Variants in LZIC observed in about 807,000 individuals in gnomAD.
The protein encoded by LZIC is protein LZIC.
LZIC carries 28 observed loss-of-function variants against 25.4 expected under a neutral mutation model. The ratio of observed to expected loss-of-function variants is 1.10; its 90% CI spans 0.82 to 1.51. The LOEUF (loss-of-function observed/expected upper bound fraction) is 1.51, where lower values mean the gene tolerates loss of function less well. LZIC is among the 40% of genes most tolerant of loss of function. The pLI is 0.00. For synonymous variants in LZIC, 65 were observed against 70.7 expected (o/e 0.92, Z 0.40); for missense variants, 170 against 211.1 (o/e 0.81, Z 1.21).
At chr1:9,923,518 CTTTTTTTTTTTTTT>C (rs60858066), downstream of LZIC, among the ~76,000 whole-genome samples, 4 of 74,164 alleles carry the variant, frequency 5.4e-5, no homozygotes, top group Non-Finnish European at 7.7e-5. Context: ...CCCAATGCTT[CTTTTTTTTTTTTTT>C]TTTTTTTTTT....
At position 9,929,902 on chromosome 1, in the gene LZIC, T is replaced by C; in HGVS notation, c.*497A>G. On this transcript the variant is annotated 3_prime_UTR_variant, in exon 8 of 8. Coordinates refer to ENST00000377223, the MANE Select transcript of LZIC (RefSeq NM_032368.5). ...CGACTTTAAGCAAAGTCGCTTGCTC[T>C]TTCTGGACCTCAGTTTCCTTGTTTG... 1.0e-6 allele frequency: 1 copy of C among 956,256 alleles called. No homozygotes were observed. Among genetic ancestry groups the C allele is most frequent in the Non-Finnish European group, 1.2e-6 (1 of 803,334 alleles). 59.2% of individuals were successfully genotyped at this position (956,256 alleles called of 1,614,324 possible).
In LZIC at chr1:9,942,695, G is replaced by T; in HGVS notation, c.-80C>A. On this transcript the variant is annotated 5_prime_UTR_variant, in exon 2 of 8. Transcript: ENST00000377223. ...ATTGCACAAACCTCCAGTTCTTGAC[G>T]TTCCGAGTGTCATAAACTTGAGGAA... The T allele has an allele frequency of 7.8e-7, 1 of 1,289,230 alleles. No individual in the cohort carries two copies. The highest frequency in any genetic ancestry group is 1.2e-5 in the South Asian group (1 of 81,030). The allele number at this position is 1,289,230 out of a possible 1,614,324, so 79.9% of individuals were successfully genotyped here.
chr1:9,938,441 G>A (rs997020551), intron 2 of LZIC, among the ~76,000 whole-genome samples: 1 of 152,168 alleles, frequency 6.6e-6, no homozygotes, highest in Non-Finnish European at 1.5e-5. Flanking sequence ...GATTATAGGT[G>A]TAAGCCCACA....
At chr1:9,930,511 T>G in intron 7 of LZIC, 54 bp from the exon 8 acceptor site, 2 of 1,603,898 alleles carry the variant, frequency 1.2e-6, no homozygotes, top group Non-Finnish European at 1.7e-6. Flanking sequence ...GCAGTTGCAA[T>G]TCCTGGTAAA....
chr1:9,933,254 C>CAAAAAA (rs60791463), intron 5 of LZIC, among the ~76,000 whole-genome samples: 5 of 43,386 alleles, frequency 1.2e-4, no homozygotes, highest in African/African-American at 2.7e-4. Context: ...GACTCCACCA[C>CAAAAAA]AAAAAAAAAA....
chr1:9,922,330 C>A, downstream of LZIC: 1 of 985,270 alleles, frequency 1.0e-6, no homozygotes, highest in Non-Finnish European at 1.2e-6. Flanking sequence ...GTGAGTCTAG[C>A]AGGTAGTTCA....
chr1:9,931,082 C>T (rs1318578378), intron 7 of LZIC, among the ~76,000 whole-genome samples: 2 of 150,142 alleles, frequency 1.3e-5, no homozygotes, highest in Non-Finnish European at 3.0e-5. Context: ...ATATTTTTTG[C>T]GGGGAGACAG....
intron 7 of LZIC, among the ~76,000 whole-genome samples, chr1:9,931,551 C>T (rs764252464): frequency 2.0e-5 from 3 of 152,108 alleles, no homozygotes; most frequent in African/African-American, 4.8e-5. Flanking sequence ...TGTGAGCCAC[C>T]GCACCCGGCC....
At chr1:9,940,128 C>G (rs564271862) in intron 2 of LZIC, among the ~76,000 whole-genome samples, 149 of 145,560 alleles carry the variant, frequency 1.0e-3, no homozygotes, top group African/African-American at 3.8e-3. Context: ...CAAAAAAAAA[C>G]AAAAAACAAA....
Position 9,930,039 on chromosome 1 carries a change from A to C in LZIC, c.*360T>G. The C allele has an allele frequency of 8.8e-6, 9 of 1,022,784 alleles. No homozygotes were observed. The highest frequency in any genetic ancestry group is 1.1e-5 in the Non-Finnish European group (9 of 851,706). The allele number at this position is 1,022,784 out of a possible 1,614,324, so 63.4% of individuals were successfully genotyped here. On this transcript the variant is annotated 3_prime_UTR_variant, in exon 8 of 8. Transcript: ENST00000377223. ...ACTCCAATGAGTGGGGATAAGTTGT[A>C]AGCAGAAAAATATCATTACTTCACA... is the stretch of plus-strand genomic sequence containing the variant.
At chr1:9,939,367 T>TTTTTC (rs1640595490) in intron 2 of LZIC, among the ~76,000 whole-genome samples, 2 of 67,532 alleles carry the variant, frequency 3.0e-5, no homozygotes, top group Admixed American at 2.5e-4. Flanking sequence ...TGGCTTTTTT[T>TTTTTC]TTTTTCTTTT....
rs922038701 is a variant in LZIC at position 9,932,108 on chromosome 1, G to T, written c.433-136C>A. 23 of 492,430 alleles carry T rather than the reference G, an allele frequency of 4.7e-5. 3 individuals are homozygous for T. Among genetic ancestry groups the T allele is most frequent in the Middle Eastern group, 6.0e-4 (1 of 1,674 alleles). The allele number at this position is 492,430 out of a possible 1,614,324, so 30.5% of individuals were successfully genotyped here. The stretch of plus-strand genomic sequence containing the variant: ...CCTGCACTTTGGGAGGCGTGGGGGG[G>T]GGGGGGGGGTGGATCACATGAGGTC... On this transcript the variant is annotated intron_variant, in intron 6 of 7. Coordinates refer to ENST00000377223, the MANE Select transcript of LZIC (RefSeq NM_032368.5).
chr1:9,936,513 T>G lies in LZIC; in HGVS notation c.101+6A>C, dbSNP rs770018422. 1.9e-6 allele frequency: 3 copies of G among 1,597,048 alleles called. No homozygotes were observed. The highest frequency in any genetic ancestry group is 1.7e-6 in the Non-Finnish European group (2 of 1,164,974). ...CCAGCATAACAACATACAATTAAAC[T>G]CTTACCTGCATTCCTCCAGATCTTG... On this transcript the variant is annotated splice_donor_region_variant and intron_variant, in intron 3 of 7. Transcript: ENST00000377223.
At chr1:9,936,698 T>G (rs1640473134) in intron 2 of LZIC, 71 bp from the exon 3 acceptor site, 1 of 1,027,380 alleles carries the variant, frequency 9.7e-7, no homozygotes, top group Admixed American at 1.9e-5. Flanking sequence ...AGTTTTATTT[T>G]TTGTAGAGAC....
At chr1:9,923,451 C>T (rs1004018318), downstream of LZIC, among the ~76,000 whole-genome samples, 4 of 151,046 alleles carry the variant, frequency 2.6e-5, no homozygotes, top group African/African-American at 9.7e-5. Flanking sequence ...CTTAGGTGAT[C>T]AGCCTGCGTC....
intron 2 of LZIC, among the ~76,000 whole-genome samples, chr1:9,937,619 G>A (rs957137220): frequency 1.3e-5 from 2 of 151,868 alleles, no homozygotes; most frequent in Non-Finnish European, 2.9e-5. Flanking sequence ...GCCTGAGGTG[G>A]GAGGATTGCT....
chr1:9,932,323 C>T (rs1486831813), intron 6 of LZIC: 1 of 159,940 alleles, frequency 6.3e-6, no homozygotes, highest in African/African-American at 2.7e-5. Context: ...CCAGCCTGGA[C>T]AGCAAGGGCA....
At chr1:9,931,332 G>A (rs762964726) in intron 7 of LZIC, among the ~76,000 whole-genome samples, 1 of 151,700 alleles carries the variant, frequency 6.6e-6, no homozygotes, top group African/African-American at 2.4e-5. Context: ...GCACAATCTC[G>A]GCTCACTGCA....
At chr1:9,930,496 C>T in intron 7 of LZIC, 39 bp from the exon 8 acceptor site, 1 of 1,608,124 alleles carries the variant, frequency 6.2e-7, no homozygotes, top group Non-Finnish European at 8.5e-7. Flanking sequence ...AAGATTATTT[C>T]AAGTGCAGTT....
Sources: gnomAD v4.1 joint callset for allele counts (sites outside exome capture counted in the v4.1 genomes callset) on GRCh38, gnomAD v4.1.1 for gene constraint, MANE v1.5 for transcripts, NCBI Gene and HGNC (gene_info 2026-07-23, HGNC 2026-07-21) for gene names.